Variants in LRP6 observed in about 807,000 individuals in gnomAD.
The protein encoded by LRP6 is LDL receptor related protein 6.
LRP6 carries 43 observed loss-of-function variants against 184.1 expected under a neutral mutation model. The ratio of observed to expected loss-of-function variants is 0.23; its 90% CI spans 0.18 to 0.30. The LOEUF (loss-of-function observed/expected upper bound fraction) is 0.30. Among genes scored for constraint, LRP6 ranks in the 10% least tolerant of loss-of-function variants. The probability of loss-of-function intolerance (pLI) is 1.00; values close to 1 mark genes in which losing one functional copy is unlikely to be tolerated. For synonymous variants in LRP6, 719 were observed against 684.9 expected, an observed-to-expected ratio of 1.05 and a Z score of -0.78; for missense variants, 1,571 against 2,005.3, an observed-to-expected ratio of 0.78 and a Z score of 4.14.
chr12:12,248,325 A>G (rs1865238332), intron 1 of LRP6, among the ~76,000 whole-genome samples: 1 of 152,130 alleles, frequency 6.6e-6, no homozygotes, highest in Admixed American at 6.6e-5. Flanking sequence ...TACTAACTGC[A>G]AAATCTTATA....
intron 15 of LRP6, among the ~76,000 whole-genome samples, chr12:12,140,429 TA>T (rs1366330036): frequency 2.0e-5 from 3 of 151,702 alleles, no homozygotes; most frequent in African/African-American, 7.3e-5. Context: ...AGGTTCAGCA[TA>T]AAAATAAAAA....
intron 7 of LRP6, among the ~76,000 whole-genome samples, chr12:12,171,532 AAAATAAATAAATAAATAAAT>A (rs150432884): frequency 0.016 from 2,401 of 147,432 alleles, 31 homozygotes; most frequent in Non-Finnish European, 0.026. Context: ...AAAAAAAAAT[AAAATAAATAAATAAATAAAT>A]AAATAAATAA....
intron 2 of LRP6, among the ~76,000 whole-genome samples, chr12:12,241,764 T>C (rs950980965): frequency 6.6e-6 from 1 of 152,192 alleles, no homozygotes; most frequent in African/African-American, 2.4e-5. Flanking sequence ...TATTCTTCAC[T>C]GAACCACCTT....
chr12:12,131,555 T>C (rs1305114994), intron 18 of LRP6, among the ~76,000 whole-genome samples: 3 of 152,218 alleles, frequency 2.0e-5, no homozygotes, highest in Admixed American at 6.5e-5. Context: ...TCAGAGCTCA[T>C]TGGAAACAGG....
intron 4 of LRP6, among the ~76,000 whole-genome samples, chr12:12,185,862 G>A (rs930236062): frequency 2.9e-5 from 3 of 104,512 alleles, no homozygotes; most frequent in African/African-American, 1.2e-4. Flanking sequence ...TTTTTTTTTT[G>A]AGACATAATT....
At position 12,116,186 on chromosome 12, in the gene LRP6, G is replaced by A. The variant is rs1318224025; in HGVS notation, c.*4940C>T. Reference sequence around the variant, plus strand: ...AGGAGGGAAGTGAATAAGTGGACAAGGGCTGACCAAATGTTGGCCATTATA... The same window carrying A: ...AGGAGGGAAGTGAATAAGTGGACAAAGGCTGACCAAATGTTGGCCATTATA... On this transcript the variant is annotated 3_prime_UTR_variant, in exon 23 of 23. Coordinates refer to ENST00000261349, the MANE Select transcript of LRP6 (RefSeq NM_002336.3). 1 of 152,178 alleles carries A rather than the reference G, an allele frequency of 6.6e-6. No individual in the cohort carries two copies. Among genetic ancestry groups the A allele is most frequent in the Non-Finnish European group, 1.5e-5 (1 of 68,032 alleles). 9.4% of individuals were successfully genotyped at this position (152,178 alleles called of 1,614,324 possible).
rs551095084 is a variant in LRP6, at chr12:12,177,809, C to G, written c.1545+2001G>C. On this transcript the variant is annotated intron_variant, in intron 7 of 22. Coordinates refer to ENST00000261349, the MANE Select transcript of LRP6 (RefSeq NM_002336.3). ...AAAACAAACAGCAGTTGTGTTCCAG[C>G]AAACCTAGAAGGAGAAAGATGGATC... 2.0e-5 allele frequency among the ~76,000 whole-genome samples: 3 copies of G among 152,132 alleles called. No individual in the cohort carries two copies. The East Asian group carries it at 5.8e-4, about 29-fold the overall frequency.
At chr12:12,258,271 C>T (rs1368413261) in intron 1 of LRP6, among the ~76,000 whole-genome samples, 1 of 152,070 alleles carries the variant, frequency 6.6e-6, no homozygotes, top group Non-Finnish European at 1.5e-5. Context: ...CATGTGCCAT[C>T]GTGACCAGAT....
intron 7 of LRP6, among the ~76,000 whole-genome samples, chr12:12,173,182 G>C (rs1045583647): frequency 6.6e-6 from 1 of 152,094 alleles, no homozygotes; most frequent in Non-Finnish European, 1.5e-5. Context: ...TCATGATGAC[G>C]AATGTCAACA....
chr12:12,185,707 A>T (rs1483522388), intron 4 of LRP6, among the ~76,000 whole-genome samples: 1 of 152,184 alleles, frequency 6.6e-6, no homozygotes. Flanking sequence ...ACTAAGGAAA[A>T]CAAGGTGGGA....
chr12:12,232,715 C>A (rs912819199), intron 2 of LRP6, among the ~76,000 whole-genome samples: 3 of 151,448 alleles, frequency 2.0e-5, no homozygotes, highest in Admixed American at 2.0e-4. Context: ...CAAGAAAAGA[C>A]ATCATCAAAC....
intron 1 of LRP6, among the ~76,000 whole-genome samples, chr12:12,259,648 G>C (rs1865563766): frequency 6.6e-6 from 1 of 152,132 alleles, no homozygotes; most frequent in African/African-American, 2.4e-5. Flanking sequence ...AAAAGCATAT[G>C]TTAATAATAC....
intron 17 of LRP6, among the ~76,000 whole-genome samples, chr12:12,133,428 A>ACT (rs984581406): frequency 1.3e-5 from 2 of 150,188 alleles, no homozygotes; most frequent in African/African-American, 4.9e-5. Flanking sequence ...CCTCTAGCCT[A>ACT]CTCTCTCTCT....
At chr12:12,222,849 A>G (rs1289060335) in intron 2 of LRP6, among the ~76,000 whole-genome samples, 2 of 152,176 alleles carry the variant, frequency 1.3e-5, no homozygotes, top group African/African-American at 4.8e-5. Flanking sequence ...TAGTAAATGT[A>G]TAGTAATAAA....
At position 12,138,831 on chromosome 12, in the gene LRP6, A is replaced by C. The variant is rs74461610; in HGVS notation, c.3398-297T>G. ...TTGAAAAACCCTAACTTATATATACAACAGATAAAAATGGCACTTCTCTGG... is the reference window on the plus strand; with the variant it reads ...TTGAAAAACCCTAACTTATATATACCACAGATAAAAATGGCACTTCTCTGG... On this transcript the variant is annotated intron_variant, in intron 15 of 22. Coordinates refer to ENST00000261349, the MANE Select transcript of LRP6 (RefSeq NM_002336.3). 2.9e-6 allele frequency: 4 copies of C among 1,401,070 alleles called. No homozygotes were observed. In the East Asian group the frequency reaches 1.6e-4, roughly 57 times the overall value. 86.8% of individuals were successfully genotyped at this position (1,401,070 alleles called of 1,614,324 possible).
At chr12:12,262,213 T>C (rs1255688275) in intron 1 of LRP6, among the ~76,000 whole-genome samples, 1 of 152,110 alleles carries the variant, frequency 6.6e-6, no homozygotes, top group Non-Finnish European at 1.5e-5. Context: ...AGCCCGTCTC[T>C]ACTAAAAATA....
chr12:12,127,321 A>G (rs1266871042), intron 19 of LRP6, among the ~76,000 whole-genome samples: 1 of 152,230 alleles, frequency 6.6e-6, no homozygotes, highest in Non-Finnish European at 1.5e-5. Flanking sequence ...TCGGGAAAAA[A>G]TTTATGACCA....
intron 7 of LRP6, among the ~76,000 whole-genome samples, chr12:12,166,682 T>C (rs1304836246): frequency 6.6e-6 from 1 of 152,252 alleles, no homozygotes; most frequent in Non-Finnish European, 1.5e-5. Flanking sequence ...ATAACACTTA[T>C]ATTTCTACTT....
At chr12:12,180,098 AG>A (rs1296464607) in intron 6 of LRP6, 117 bp from the exon 7 acceptor site, 3 of 760,934 alleles carry the variant, frequency 3.9e-6, no homozygotes, top group African/African-American at 1.8e-5. Flanking sequence ...ATGCCAAGGA[AG>A]GGGAAAAAAA....
Sources: allele counts gnomAD v4.1 joint callset (sites outside exome capture counted in the v4.1 genomes callset), GRCh38; gene constraint gnomAD v4.1.1; transcripts MANE v1.5; gene names NCBI Gene and HGNC (gene_info 2026-07-23, HGNC 2026-07-21).